The following SCFD2 variants were observed in gnomAD, a reference collection of about 807,000 sequenced individuals.
SCFD2 encodes the protein sec1 family domain-containing protein 2.
In SCFD2, 54 loss-of-function variants were observed where a neutral mutation model predicts 58.9. The ratio of observed to expected loss-of-function variants is 0.92; its 90% CI spans 0.74 to 1.15. The LOEUF is 1.15. Ranked by LOEUF, SCFD2 falls within the 50% of genes most tolerant of loss-of-function variation. The pLI is 0.00. For synonymous variants in SCFD2, 321 were observed against 335.9 expected (o/e 0.96, Z 0.49); for missense variants, 805 against 836.6 (o/e 0.96, Z 0.47).
chr4:53,189,052 T>C (rs956695354), intron 4 of SCFD2, among the ~76,000 whole-genome samples: 8 of 152,168 alleles, frequency 5.3e-5, no homozygotes, highest in African/African-American at 1.4e-4. Context: ...ATCAAGCACA[T>C]AGCCCAAGCT....
chr4:53,302,957 G>A (rs1732367558), intron 3 of SCFD2, among the ~76,000 whole-genome samples: 2 of 152,174 alleles, frequency 1.3e-5, no homozygotes, highest in African/African-American at 4.8e-5. Context: ...AATTCAAGAT[G>A]GATTAAAGAC....
chr4:53,082,666 A>T lies in SCFD2; in HGVS notation c.1561+62667T>A, dbSNP rs73141473. ...CTACCCTCACACACAGGGGTGACCA[A>T]GATTTAATCCACTGAGGTCCCAAAC... is the stretch of plus-strand genomic sequence containing the variant. On this transcript the variant is annotated intron_variant, in intron 5 of 8. Coordinates refer to ENST00000401642, the MANE Select transcript of SCFD2 (RefSeq NM_152540.4). 9.9e-3 allele frequency among the ~76,000 whole-genome samples: 1,504 copies of T among 152,144 alleles called. 23 individuals carry two copies. Among genetic ancestry groups the T allele is most frequent in the African/African-American group, 0.034 (1,420 of 41,526 alleles).
intron 7 of SCFD2, among the ~76,000 whole-genome samples, chr4:52,904,057 G>A (rs966589207): frequency 2.6e-5 from 4 of 152,082 alleles, no homozygotes; most frequent in Non-Finnish European, 2.9e-5. Context: ...CACACCCCAC[G>A]GGAATAACTG....
chr4:53,345,760 T>C (rs1220514628), intron 2 of SCFD2, among the ~76,000 whole-genome samples: 1 of 152,168 alleles, frequency 6.6e-6, no homozygotes, highest in Non-Finnish European at 1.5e-5. Flanking sequence ...TGGAATACTA[T>C]GCATCCATAA....
At chr4:53,039,928 T>C (rs1417658728) in intron 5 of SCFD2, among the ~76,000 whole-genome samples, 1 of 152,162 alleles carries the variant, frequency 6.6e-6, no homozygotes, top group African/African-American at 2.4e-5. Context: ...CTGAACCTTG[T>C]CCAGTTTTAT....
chr4:53,304,319 C>T (rs941891653), intron 3 of SCFD2, among the ~76,000 whole-genome samples: 10 of 152,036 alleles, frequency 6.6e-5, no homozygotes, highest in Admixed American at 6.6e-4. Context: ...GGTTGCTCTT[C>T]TCAAGGAGTA....
chr4:53,032,680 A>G (rs1344099375), intron 5 of SCFD2, among the ~76,000 whole-genome samples: 1 of 152,220 alleles, frequency 6.6e-6, no homozygotes, highest in Non-Finnish European at 1.5e-5. Flanking sequence ...TCTCTGATAA[A>G]ACAGACTGAC....
chr4:53,299,512 GAA>G (rs1732188305), intron 3 of SCFD2, among the ~76,000 whole-genome samples: 1 of 152,126 alleles, frequency 6.6e-6, no homozygotes, highest in African/African-American at 2.4e-5. Flanking sequence ...AACCAAGTTG[GAA>G]AACACTCTGC....
chr4:53,273,671 A>T, intron 4 of SCFD2, 155 bp downstream of exon 4: 1 of 649,048 alleles, frequency 1.5e-6, no homozygotes, highest in Non-Finnish European at 2.4e-6. Flanking sequence ...AAAAGTTTCT[A>T]CTTGAATTTT....
At chr4:53,313,893 T>A (rs1732776842) in intron 2 of SCFD2, 130 bp from the exon 3 acceptor site, 1 of 693,710 alleles carries the variant, frequency 1.4e-6, no homozygotes, top group South Asian at 2.1e-5. Flanking sequence ...AGACTCTAAG[T>A]ATTAGGATTA....
intron 5 of SCFD2, among the ~76,000 whole-genome samples, chr4:53,041,233 C>T (rs1385754299): frequency 6.6e-6 from 1 of 152,140 alleles, no homozygotes; most frequent in Non-Finnish European, 1.5e-5. Context: ...ACTGATAGTG[C>T]TGCAGTATCT....
chr4:52,986,551 T>C (rs1345624820), intron 5 of SCFD2, among the ~76,000 whole-genome samples: 1 of 137,030 alleles, frequency 7.3e-6, no homozygotes, highest in Admixed American at 8.6e-5. Context: ...CAGGCTGGAG[T>C]GCAGTGGTGC....
intron 4 of SCFD2, among the ~76,000 whole-genome samples, chr4:53,256,138 G>T (rs1349738360): frequency 6.6e-6 from 1 of 151,616 alleles, no homozygotes; most frequent in Non-Finnish European, 1.5e-5. Context: ...CGGGGTGGCT[G>T]CCGGACGGAG....
chr4:52,901,129 C>T (rs151169408), intron 7 of SCFD2, among the ~76,000 whole-genome samples: 13 of 152,344 alleles, frequency 8.5e-5, no homozygotes, highest in South Asian at 4.1e-4. Context: ...GGCTCATGCA[C>T]GGTGCACTGC....
rs141715474 is a variant in SCFD2 at position 52,874,764 on chromosome 4, C to T, written c.1963-703G>A. Among the ~76,000 whole-genome samples the T allele has an allele frequency of 2.5e-3, 377 of 152,280 alleles. 2 individuals are homozygous for T. The highest frequency in any genetic ancestry group is 8.7e-3 in the African/African-American group (362 of 41,558). On this transcript the variant is annotated intron_variant, in intron 8 of 8. Coordinates refer to ENST00000401642, the MANE Select transcript of SCFD2 (RefSeq NM_152540.4). ...TTTCCCCTTCTTATATACATACAGT[C>T]ACACTGGATTAGAGCCCACACTAAA...
chr4:53,181,731 T>C (rs1294334922), intron 4 of SCFD2, among the ~76,000 whole-genome samples: 4 of 152,208 alleles, frequency 2.6e-5, no homozygotes, highest in East Asian at 1.9e-4. Flanking sequence ...TGTTTGCAGA[T>C]GACATGATTG....
At chr4:53,362,965 A>C (rs1433598420) in intron 1 of SCFD2, among the ~76,000 whole-genome samples, 3 of 152,150 alleles carry the variant, frequency 2.0e-5, no homozygotes, top group Non-Finnish European at 4.4e-5. Context: ...GTGATGGGAA[A>C]ATACAGATTT....
At position 53,238,347 on chromosome 4, in the gene SCFD2, G is replaced by GC. The variant is rs1298957053; in HGVS notation, c.1311+35478dup. Among the ~76,000 whole-genome samples the GC allele has an allele frequency of 8.1e-3, 9 of 1,106 alleles. 1 individual carries two copies. Among genetic ancestry groups the GC allele is most frequent in the African/African-American group, 0.021 (6 of 282 alleles). 0.7% of individuals were successfully genotyped at this position (1,106 alleles called of 152,430 possible). On this transcript the variant is annotated intron_variant, in intron 4 of 8. Transcript: ENST00000401642. ...CCTCCTGGACGGGGCGGCTGGCCGG[G>GC]CGGGGGCTGATGCCCCCACCTCCCT...
chr4:53,021,587 G>C, intron 5 of SCFD2, among the ~76,000 whole-genome samples: 1 of 151,992 alleles, frequency 6.6e-6, no homozygotes, highest in East Asian at 1.9e-4. Context: ...AATGCAATGC[G>C]GTATGCATTA....
Sources: gnomAD v4.1 joint callset for allele counts (sites outside exome capture counted in the v4.1 genomes callset) on GRCh38, gnomAD v4.1.1 for gene constraint, MANE v1.5 for transcripts, NCBI Gene and HGNC (gene_info 2026-07-23, HGNC 2026-07-21) for gene names.